ARL17B: variants seen among roughly 807,000 people sequenced by gnomAD.
ARL17B encodes ADP-ribosylation factor-like protein 17.
rs575003690 is a variant in ARL17B, at chr17:46,289,705, C to T, written c.*21+9821G>A. Among the ~76,000 whole-genome samples the T allele has an allele frequency of 2.6e-5, 4 of 152,336 alleles. No homozygotes were observed. In the South Asian group the frequency reaches 8.3e-4, roughly 32 times the overall value. On this transcript the variant is annotated intron_variant, in intron 4 of 4. Transcript: ENST00000570618. ...TACCAAAAATATTCCCAAAACGTTT[C>T]ATCATGATTATTTTTCTTCCTAAAT...
rs1436684386 is a variant in ARL17B at position 46,317,150 on chromosome 17, G to T, written c.260-17485C>A. Among the ~76,000 whole-genome samples the T allele has an allele frequency of 3.4e-5, 3 of 89,482 alleles. 1 individual carries two copies. Among genetic ancestry groups the T allele is most frequent in the African/African-American group, 9.0e-5 (3 of 33,384 alleles). The allele number at this position is 89,482 out of a possible 152,430, so 58.7% of individuals were successfully genotyped here. A position where few individuals can be genotyped will look rare whatever the true frequency, so the allele number is the denominator to read the frequency against. The stretch of plus-strand genomic sequence containing the variant: ...GGTACACCTCCCAGATGGGGTGGCG[G>T]CCGGGCAGAGGCGCTCCTCACATCC... On this transcript the variant is annotated intron_variant, in intron 3 of 4. Transcript: ENST00000434041.
intron 4 of ARL17B, among the ~76,000 whole-genome samples, chr17:46,276,796 T>C (rs898168642): frequency 5.9e-5 from 9 of 151,402 alleles, no homozygotes; most frequent in Admixed American, 3.3e-4. Flanking sequence ...TTTTCTTTTT[T>C]TTTTTTTTTT....
At chr17:46,301,619 CT>C in intron 3 of ARL17B, among the ~76,000 whole-genome samples, 1 of 41,648 alleles carries the variant, frequency 2.4e-5, no homozygotes. Flanking sequence ...TCACTGCAAC[CT>C]CCACCTCCCG....
intron 3 of ARL17B, among the ~76,000 whole-genome samples, chr17:46,351,738 T>C (rs1397532492): frequency 1.3e-5 from 2 of 152,022 alleles, no homozygotes; most frequent in African/African-American, 2.4e-5. Context: ...GTATTTCATC[T>C]GGAAAGACTG....
chr17:46,286,314 C>A lies in ARL17B; in HGVS notation c.*22-10896G>T, dbSNP rs572901470. ...TAAGAACACTGTAATTTTGGAGAAC[C>A]AATTTAAAGATAAATATGAAACATT... On this transcript the variant is annotated intron_variant, in intron 4 of 4. Transcript: ENST00000570618. 5.9e-5 allele frequency among the ~76,000 whole-genome samples: 9 copies of A among 152,230 alleles called. No homozygotes were observed. The East Asian group carries it at 1.4e-3, about 23-fold the overall frequency.
intron 4 of ARL17B, among the ~76,000 whole-genome samples, chr17:46,281,493 G>C (rs956878570): frequency 6.6e-6 from 1 of 151,970 alleles, no homozygotes; most frequent in Non-Finnish European, 1.5e-5. Flanking sequence ...GGGCACAAGT[G>C]ATCACAGCTC....
At position 46,291,985 on chromosome 17, in the gene ARL17B, A is replaced by AAAAAAAAAAAAC. The variant is rs1360524355; in HGVS notation, c.*21+7540_*21+7541insGTTTTTTTTTTT. 7.4e-4 allele frequency among the ~76,000 whole-genome samples: 57 copies of AAAAAAAAAAAAC among 76,638 alleles called. 4 individuals are homozygous for AAAAAAAAAAAAC. Among genetic ancestry groups the AAAAAAAAAAAAC allele is most frequent in the Middle Eastern group, 0.01 (1 of 96 alleles). 50.3% of individuals were successfully genotyped at this position (76,638 alleles called of 152,430 possible). ...CTCAAAAAGCAAAAAAAAAAAAAAA[A>AAAAAAAAAAAAC]AAGCCAATAAAATCAATGGTCTAAT... On this transcript the variant is annotated intron_variant, in intron 4 of 4. Transcript: ENST00000570618.
chr17:46,291,121 TAG>T (rs1567857984), intron 4 of ARL17B, among the ~76,000 whole-genome samples: 1 of 152,258 alleles, frequency 6.6e-6, no homozygotes, highest in East Asian at 1.9e-4. Flanking sequence ...TCTCTATTTA[TAG>T]AGAGAGACTG....
At chr17:46,311,681 C>A (rs974734769) in intron 3 of ARL17B, among the ~76,000 whole-genome samples, 1 of 83,054 alleles carries the variant, frequency 1.2e-5, no homozygotes, top group African/African-American at 3.6e-5. Flanking sequence ...CATTGTTCTA[C>A]AGCAAAAGGC....
downstream of ARL17B, chr17:46,331,494 C>CTA (rs777525003): frequency 6.2e-7 from 1 of 1,603,080 alleles, no homozygotes; most frequent in African/African-American, 1.4e-5. Context: ...ATGGAAAACA[C>CTA]TAACATGCCA....
chr17:46,274,424 T>G (rs564276704), downstream of ARL17B, among the ~76,000 whole-genome samples: 30 of 152,354 alleles, frequency 2.0e-4, no homozygotes, highest in African/African-American at 7.2e-4. Flanking sequence ...TTGATTTTAA[T>G]CTACCATGAA....
At chr17:46,280,257 G>C (rs2049724541) in intron 4 of ARL17B, among the ~76,000 whole-genome samples, 2 of 152,156 alleles carry the variant, frequency 1.3e-5, no homozygotes, top group African/African-American at 4.8e-5. Context: ...CCAGCTACTT[G>C]GGAGGCTGAG....
At chr17:46,278,046 A>G (rs1247352360) in intron 4 of ARL17B, among the ~76,000 whole-genome samples, 9 of 152,116 alleles carry the variant, frequency 5.9e-5, no homozygotes, top group Non-Finnish European at 8.8e-5. Flanking sequence ...CCCACGTTCA[A>G]GTGATTCTTC....
chr17:46,286,949 C>T (rs1162567646), intron 4 of ARL17B, among the ~76,000 whole-genome samples: 1 of 152,228 alleles, frequency 6.6e-6, no homozygotes, highest in Non-Finnish European at 1.5e-5. Context: ...GTACAAAGAT[C>T]ACAGCCAATA....
At chr17:46,304,932 G>A (rs865993068) in intron 3 of ARL17B, among the ~76,000 whole-genome samples, 4 of 66,326 alleles carry the variant, frequency 6.0e-5, no homozygotes, top group Non-Finnish European at 9.4e-5. Context: ...GCAGTGGTGC[G>A]ATCTCGGCTC....
At chr17:46,282,889 C>A (rs867348602) in intron 4 of ARL17B, among the ~76,000 whole-genome samples, 1 of 149,672 alleles carries the variant, frequency 6.7e-6, no homozygotes, top group African/African-American at 2.4e-5. Flanking sequence ...GAGGCCGAAG[C>A]GAGCGGATCA....
chr17:46,275,290 T>C, exon 5 of ARL17B: 3 of 631,834 alleles, frequency 4.7e-6, no homozygotes, highest in South Asian at 3.5e-5. Flanking sequence ...CTTGTCAGGA[T>C]AGCCTCACTA....
intron 4 of ARL17B, among the ~76,000 whole-genome samples, chr17:46,286,960 T>G: frequency 6.6e-6 from 1 of 152,252 alleles, no homozygotes; most frequent in South Asian, 2.1e-4. Context: ...ACAGCCAATA[T>G]AGAACCTAGA....
chr17:46,289,697 A>C (rs2050014171), intron 4 of ARL17B, among the ~76,000 whole-genome samples: 1 of 152,184 alleles, frequency 6.6e-6, no homozygotes, highest in Non-Finnish European at 1.5e-5. Flanking sequence ...AATATTCCCA[A>C]AACGTTTCAT....
Sources: allele counts gnomAD v4.1 joint callset (sites outside exome capture counted in the v4.1 genomes callset), GRCh38; gene constraint gnomAD v4.1.1; transcripts MANE v1.5; gene names NCBI Gene and HGNC (gene_info 2026-07-23, HGNC 2026-07-21).